Variants in PTPRR observed in about 807,000 individuals in gnomAD.
PTPRR encodes receptor-type tyrosine-protein phosphatase R.
PTPRR carries 38 observed loss-of-function variants against 77.2 expected under a neutral mutation model. That is an observed-to-expected ratio of 0.49 (90% CI 0.38 to 0.65). The LOEUF is 0.65. Ranked by LOEUF, PTPRR falls within the 30% of genes least tolerant of loss-of-function variation. The pLI, the probability that PTPRR is intolerant of heterozygous loss-of-function variation, is 0.00. For synonymous variants in PTPRR, 299 were observed against 283.1 expected, an observed-to-expected ratio of 1.06 and a Z score of -0.57; for missense variants, 744 against 799.2, an observed-to-expected ratio of 0.93 and a Z score of 0.83.
intron 13 of PTPRR, among the ~76,000 whole-genome samples, chr12:70,643,784 T>G (rs894903703): frequency 2.0e-5 from 3 of 152,060 alleles, no homozygotes; most frequent in Admixed American, 2.0e-4. Context: ...TTTTTTTCTT[T>G]TTCTTTTTGG....
At chr12:70,861,332 G>A (rs1310089078) in intron 2 of PTPRR, among the ~76,000 whole-genome samples, 2 of 152,066 alleles carry the variant, frequency 1.3e-5, no homozygotes, top group African/African-American at 4.8e-5. Flanking sequence ...CCTTGCCATG[G>A]GTTTCTGTAA....
At chr12:70,785,326 T>C (rs376529827) in intron 2 of PTPRR, among the ~76,000 whole-genome samples, 27 of 116,074 alleles carry the variant, frequency 2.3e-4, no homozygotes, top group African/African-American at 1.1e-3. Context: ...ACCTAGTTTT[T>C]CCTTCATTAG....
At chr12:70,705,709 T>A (rs1031881781) in intron 6 of PTPRR, among the ~76,000 whole-genome samples, 1 of 151,578 alleles carries the variant, frequency 6.6e-6, no homozygotes, top group Non-Finnish European at 1.5e-5. Flanking sequence ...AGCAAACAGA[T>A]TTGACTTCCG....
intron 1 of PTPRR, among the ~76,000 whole-genome samples, chr12:70,913,692 A>G (rs1893733906): frequency 6.6e-6 from 1 of 152,182 alleles, no homozygotes; most frequent in Non-Finnish European, 1.5e-5. Context: ...ATTTACATAG[A>G]AAATTTTCTG....
intron 2 of PTPRR, among the ~76,000 whole-genome samples, chr12:70,886,362 C>G (rs909404282): frequency 1.3e-5 from 2 of 152,104 alleles, no homozygotes; most frequent in African/African-American, 4.8e-5. Flanking sequence ...TAATAGGAAG[C>G]ATTAACATTA....
chr12:70,814,589 A>G (rs1891867257), intron 2 of PTPRR, among the ~76,000 whole-genome samples: 1 of 152,184 alleles, frequency 6.6e-6, no homozygotes, highest in Non-Finnish European at 1.5e-5. Flanking sequence ...GCAGCAAGGC[A>G]TGGCTGCTAG....
At chr12:70,646,765 T>C (rs1486172207) in intron 13 of PTPRR, among the ~76,000 whole-genome samples, 1 of 152,140 alleles carries the variant, frequency 6.6e-6, no homozygotes, top group Non-Finnish European at 1.5e-5. Context: ...TTGTGATTAT[T>C]TGGGAATGCA....
intron 2 of PTPRR, among the ~76,000 whole-genome samples, chr12:70,873,780 G>A (rs1419777950): frequency 6.6e-6 from 1 of 152,042 alleles, no homozygotes; most frequent in African/African-American, 2.4e-5. Flanking sequence ...GGGAGTGGTG[G>A]GGGGTGGGTA....
intron 1 of PTPRR, among the ~76,000 whole-genome samples, chr12:70,894,610 A>G (rs1046646030): frequency 1.3e-4 from 19 of 151,766 alleles, no homozygotes; most frequent in African/African-American, 4.6e-4. Flanking sequence ...TATTTTTAGT[A>G]AAATAATAAA....
chr12:70,834,344 T>A (rs2137053506), intron 2 of PTPRR, among the ~76,000 whole-genome samples: 1 of 152,322 alleles, frequency 6.6e-6, no homozygotes. Flanking sequence ...TGTTGTGAGC[T>A]GTCTGCCACT....
intron 2 of PTPRR, among the ~76,000 whole-genome samples, chr12:70,802,831 T>G (rs1292227093): frequency 1.3e-5 from 2 of 152,230 alleles, no homozygotes; most frequent in African/African-American, 4.8e-5. Context: ...TTACTTTCAG[T>G]ATTGAATAAA....
intron 2 of PTPRR, among the ~76,000 whole-genome samples, chr12:70,786,268 A>G (rs1160031055): frequency 3.9e-5 from 6 of 152,216 alleles, no homozygotes; most frequent in African/African-American, 1.4e-4. Context: ...AAGAATTGAG[A>G]CCATGATTAC....
chr12:70,676,781 T>C (rs1178327126), intron 10 of PTPRR, among the ~76,000 whole-genome samples: 2 of 152,052 alleles, frequency 1.3e-5, no homozygotes, highest in African/African-American at 4.8e-5. Context: ...TGTATTTGTT[T>C]TTTTTGCCAA....
chr12:70,819,266 C>T (rs574363937), intron 2 of PTPRR, among the ~76,000 whole-genome samples: 1 of 152,326 alleles, frequency 6.6e-6, no homozygotes, highest in Non-Finnish European at 1.5e-5. Context: ...GATTGCACCA[C>T]TGCGCTCCAG....
intron 5 of PTPRR, among the ~76,000 whole-genome samples, chr12:70,746,955 G>C (rs920799114): frequency 5.3e-5 from 8 of 151,992 alleles, no homozygotes; most frequent in Non-Finnish European, 7.4e-5. Flanking sequence ...TAAAGTTAAA[G>C]CTTAAATTTT....
chr12:70,794,787 C>A (rs1399728331), intron 2 of PTPRR, among the ~76,000 whole-genome samples: 1 of 152,180 alleles, frequency 6.6e-6, no homozygotes, highest in Non-Finnish European at 1.5e-5. Flanking sequence ...TCCTGGAAAC[C>A]TTGACATAGC....
chr12:70,753,594 T>G (rs1169687462), intron 5 of PTPRR, among the ~76,000 whole-genome samples: 1 of 152,128 alleles, frequency 6.6e-6, no homozygotes, highest in Admixed American at 6.6e-5. Context: ...AAACATGCTT[T>G]TAAAGGCTAC....
At chr12:70,741,960 A>T (rs910952685) in intron 6 of PTPRR, among the ~76,000 whole-genome samples, 3 of 152,198 alleles carry the variant, frequency 2.0e-5, no homozygotes, top group Non-Finnish European at 2.9e-5. Flanking sequence ...ATTCTTGGGC[A>T]TCTAACAGTG....
intron 2 of PTPRR, among the ~76,000 whole-genome samples, chr12:70,822,605 G>A (rs918747939): frequency 2.0e-5 from 3 of 152,080 alleles, no homozygotes; most frequent in South Asian, 4.2e-4. Context: ...CCATGGAGCC[G>A]TCTCCCTCCC....
Sources: allele counts gnomAD v4.1 joint callset (sites outside exome capture counted in the v4.1 genomes callset), GRCh38; gene constraint gnomAD v4.1.1; transcripts MANE v1.5; gene names NCBI Gene and HGNC (gene_info 2026-07-23, HGNC 2026-07-21).